SLC2A13: variants seen among roughly 807,000 people sequenced by gnomAD.
SLC2A13 encodes proton myo-inositol cotransporter.
A neutral mutation model predicts 64.4 loss-of-function variants in SLC2A13; 32 were observed. That is an observed-to-expected ratio of 0.50 (90% CI 0.37 to 0.67). The LOEUF is 0.67. SLC2A13 is among the 30% of genes least tolerant of loss of function. The pLI is 0.00. For missense variants in SLC2A13, 743 were observed against 829.2 expected, an observed-to-expected ratio of 0.90 and a Z score of 1.28; for synonymous variants, 338 against 327.1, an observed-to-expected ratio of 1.03 and a Z score of -0.36.
chr12:39,760,000 T>G lies in SLC2A13; in HGVS notation c.*26A>C. The G allele has an allele frequency of 6.3e-7, 1 of 1,580,638 alleles. No individual in the cohort carries two copies. The highest frequency in any genetic ancestry group is 8.7e-7 in the Non-Finnish European group (1 of 1,151,606). On this transcript the variant is annotated 3_prime_UTR_variant, in exon 10 of 10. Transcript: ENST00000280871. ...TTCTTCTCCCCCCAGTTTGTTTAAA[T>G]AACTAAATATATGAGCAGCTGAAAA... is the stretch of plus-strand genomic sequence containing the variant.
chr12:40,051,513 G>A (rs1197185931), intron 1 of SLC2A13, among the ~76,000 whole-genome samples: 1 of 152,160 alleles, frequency 6.6e-6, no homozygotes, highest in Non-Finnish European at 1.5e-5. Context: ...GGGTCTGCTA[G>A]TCGAGTGGGA....
At chr12:39,849,180 TA>T (rs1035175384) in intron 6 of SLC2A13, among the ~76,000 whole-genome samples, 7 of 152,102 alleles carry the variant, frequency 4.6e-5, no homozygotes, top group Middle Eastern at 3.4e-3. Context: ...AATAAAGATT[TA>T]AAAAAAAATT....
intron 4 of SLC2A13, among the ~76,000 whole-genome samples, chr12:39,898,315 C>T (rs1944982476): frequency 2.6e-5 from 4 of 152,012 alleles, no homozygotes; most frequent in Non-Finnish European, 5.9e-5. Flanking sequence ...CACCCACATG[C>T]CCAAAACATT....
intron 6 of SLC2A13, among the ~76,000 whole-genome samples, chr12:39,855,389 A>G (rs1359409151): frequency 6.6e-6 from 1 of 152,196 alleles, no homozygotes; most frequent in Non-Finnish European, 1.5e-5. Context: ...GAACACTATA[A>G]AAGGATCCAA....
rs145292699 is a variant in SLC2A13, at chr12:39,988,364, A to C, written c.926-36999T>G. ...AAAAATTATTGCATTGTTTTAATTTATATTACTTTAACTGGTGGAAAATAA... is the reference window on the plus strand; with the variant it reads ...AAAAATTATTGCATTGTTTTAATTTCTATTACTTTAACTGGTGGAAAATAA... On this transcript the variant is annotated intron_variant, in intron 3 of 9. Coordinates refer to ENST00000280871, the MANE Select transcript of SLC2A13 (RefSeq NM_052885.4). Among the ~76,000 whole-genome samples, 66 of 152,130 alleles carry C rather than the reference A, an allele frequency of 4.3e-4. No individual in the cohort carries two copies. The East Asian group carries it at 9.3e-3, about 21-fold the overall frequency.
intron 7 of SLC2A13, among the ~76,000 whole-genome samples, chr12:39,801,339 TAAAAAAAA>T (rs34671641): frequency 1.6e-5 from 2 of 126,864 alleles, no homozygotes; most frequent in South Asian, 2.4e-4. Flanking sequence ...ATGAGGAAAT[TAAAAAAAA>T]AAAAAAAAAA....
chr12:40,096,165 A>G (rs1017299666), intron 1 of SLC2A13, among the ~76,000 whole-genome samples: 14 of 150,996 alleles, frequency 9.3e-5, no homozygotes, highest in African/African-American at 2.9e-4. Context: ...TCCTGACCTC[A>G]TAATCCACCC....
intron 4 of SLC2A13, among the ~76,000 whole-genome samples, chr12:39,921,021 G>T (rs1945607117): frequency 6.6e-6 from 1 of 152,060 alleles, no homozygotes; most frequent in African/African-American, 2.4e-5. Context: ...TTCAAATACA[G>T]AAAACCACAA....
intron 3 of SLC2A13, among the ~76,000 whole-genome samples, chr12:39,998,853 C>A (rs2136178581): frequency 6.6e-6 from 1 of 152,102 alleles, no homozygotes; most frequent in South Asian, 2.1e-4. Context: ...TTGGCTGTGT[C>A]CCCACCCAAA....
intron 1 of SLC2A13, among the ~76,000 whole-genome samples, chr12:40,080,647 C>A (rs925147153): frequency 6.6e-6 from 1 of 152,220 alleles, no homozygotes; most frequent in African/African-American, 2.4e-5. Context: ...CTGCCTCAGT[C>A]TCCCAAAGGG....
intron 4 of SLC2A13, 131 bp from the exon 5 acceptor site, chr12:39,872,092 G>A: frequency 1.6e-6 from 1 of 634,722 alleles, no homozygotes. Context: ...AAATTAACGT[G>A]GGAATTCATG....
chr12:40,081,584 T>C (rs1291859610), intron 1 of SLC2A13, among the ~76,000 whole-genome samples: 1 of 152,178 alleles, frequency 6.6e-6, no homozygotes, highest in Non-Finnish European at 1.5e-5. Context: ...TCCTGTATCA[T>C]TTTATTGGAA....
At chr12:39,975,360 C>T (rs1002817929) in intron 3 of SLC2A13, among the ~76,000 whole-genome samples, 21 of 152,182 alleles carry the variant, frequency 1.4e-4, no homozygotes, top group African/African-American at 4.6e-4. Flanking sequence ...ATTTTAACTA[C>T]GTACATTCTT....
At chr12:39,784,344 C>A (rs1271904133) in intron 7 of SLC2A13, among the ~76,000 whole-genome samples, 1 of 152,118 alleles carries the variant, frequency 6.6e-6, no homozygotes, top group East Asian at 1.9e-4. Context: ...GCTACAGTAA[C>A]CAAAACAGCA....
At chr12:39,847,824 G>T (rs1943359120) in intron 6 of SLC2A13, among the ~76,000 whole-genome samples, 1 of 151,964 alleles carries the variant, frequency 6.6e-6, no homozygotes, top group Non-Finnish European at 1.5e-5. Context: ...AAATATTTTG[G>T]CTTATTTTTG....
intron 3 of SLC2A13, among the ~76,000 whole-genome samples, chr12:40,006,548 G>A (rs943723746): frequency 6.6e-6 from 1 of 152,098 alleles, no homozygotes; most frequent in African/African-American, 2.4e-5. Flanking sequence ...TGAAAATATA[G>A]TAACAAAATA....
chr12:39,873,198 A>T (rs1944100650), intron 4 of SLC2A13, among the ~76,000 whole-genome samples: 1 of 152,176 alleles, frequency 6.6e-6, no homozygotes, highest in Non-Finnish European at 1.5e-5. Flanking sequence ...AGCATGAAGG[A>T]TGTGTTTTAC....
intron 3 of SLC2A13, among the ~76,000 whole-genome samples, chr12:40,015,328 A>G (rs1284756671): frequency 2.6e-5 from 4 of 152,170 alleles, no homozygotes; most frequent in Admixed American, 2.6e-4. Flanking sequence ...AAAGTTGTTC[A>G]ACATAGTTTT....
At chr12:39,999,088 C>A (rs917562816) in intron 3 of SLC2A13, among the ~76,000 whole-genome samples, 1 of 152,144 alleles carries the variant, frequency 6.6e-6, no homozygotes, top group Non-Finnish European at 1.5e-5. Context: ...ATTTCTTAGG[C>A]CTGTCTTACT....
Sources: gnomAD v4.1 joint callset for allele counts (sites outside exome capture counted in the v4.1 genomes callset) on GRCh38, gnomAD v4.1.1 for gene constraint, MANE v1.5 for transcripts, NCBI Gene and HGNC (gene_info 2026-07-23, HGNC 2026-07-21) for gene names.